The following ZNF341 variants were observed in gnomAD, a reference collection of about 807,000 sequenced individuals.
The protein encoded by ZNF341 is zinc finger protein 341.
ZNF341 carries 52 observed loss-of-function variants against 87.7 expected under a neutral mutation model. That is an observed-to-expected ratio of 0.59 (90% confidence interval 0.47 to 0.75). The LOEUF (loss-of-function observed/expected upper bound fraction) is 0.75, where lower values mean the gene tolerates loss of function less well. ZNF341 is among the 30% of genes least tolerant of loss of function. The pLI, the probability that ZNF341 is intolerant of heterozygous loss-of-function variation, is 0.00. For missense variants in ZNF341, 977 were observed against 1,145.9 expected (o/e 0.85, Z 2.13); for synonymous variants, 459 against 472.7 (o/e 0.97, Z 0.38).
At chr20:33,744,592 GTT>G (rs11468192) in intron 2 of ZNF341, among the ~76,000 whole-genome samples, 46,746 of 151,528 alleles carry the variant, frequency 0.31, 7,990 homozygotes, top group East Asian at 0.69. Context: ...AAACTGTGTG[GTT>G]TTTTTTCTTT....
chr20:33,763,712 C>T (rs745753834), intron 8 of ZNF341, among the ~76,000 whole-genome samples: 3 of 152,176 alleles, frequency 2.0e-5, no homozygotes, highest in Non-Finnish European at 4.4e-5. Context: ...GCTATTTGAC[C>T]TCCAAGGTTA....
At chr20:33,786,964 T>C (rs1403221224) in intron 12 of ZNF341, 3 of 134,224 alleles carry the variant, frequency 2.2e-5, no homozygotes, top group Non-Finnish European at 4.5e-5. Flanking sequence ...CAAGACTCTG[T>C]TTCAAAAAAA....
At chr20:33,769,409 A>G (rs1266675289) in intron 9 of ZNF341, among the ~76,000 whole-genome samples, 1 of 150,994 alleles carries the variant, frequency 6.6e-6, no homozygotes, top group Non-Finnish European at 1.5e-5. Context: ...TGGCGGGGGC[A>G]CAGCCCTCAG....
intron 4 of ZNF341, among the ~76,000 whole-genome samples, chr20:33,751,867 C>T (rs921774775): frequency 6.6e-6 from 1 of 152,146 alleles, no homozygotes; most frequent in African/African-American, 2.4e-5. Flanking sequence ...CTGCACCAAG[C>T]CCAAGGCCAG....
At chr20:33,748,228 C>T (rs1181567319) in intron 3 of ZNF341, among the ~76,000 whole-genome samples, 4 of 151,992 alleles carry the variant, frequency 2.6e-5, no homozygotes, top group Non-Finnish European at 4.4e-5. Flanking sequence ...CGCACTACCA[C>T]GCCTAGCTAC....
chr20:33,734,190 T>G (rs918049071), intron 1 of ZNF341, among the ~76,000 whole-genome samples: 5 of 152,212 alleles, frequency 3.3e-5, no homozygotes, highest in Non-Finnish European at 7.3e-5. Context: ...CAGCAGGAAC[T>G]GCATTTTCAA....
rs546185860 is a variant in ZNF341, at chr20:33,790,915, T to G, written c.2036-73T>G. On this transcript the variant is annotated intron_variant, in intron 14 of 14. Coordinates refer to ENST00000375200, the MANE Select transcript of ZNF341 (RefSeq NM_001282933.2). The stretch of plus-strand genomic sequence containing the variant: ...TGCTGGTGGGGAAAGAGCCTGGATT[T>G]TATTCCCAGCGCAGGGCACTGTTGC... The G allele has an allele frequency of 2.8e-5, 43 of 1,508,820 alleles. No individual in the cohort carries two copies. The South Asian group carries it at 5.1e-4, about 18-fold the overall frequency. 93.5% of individuals were successfully genotyped at this position (1,508,820 alleles called of 1,614,324 possible). A position where few individuals can be genotyped will look rare whatever the true frequency, so the allele number is the denominator to read the frequency against.
chr20:33,733,218 CT>C (rs1163203751), intron 1 of ZNF341, among the ~76,000 whole-genome samples: 3,472 of 130,730 alleles, frequency 0.027, 132 homozygotes, highest in African/African-American at 0.087. Flanking sequence ...GGCTAATTTC[CT>C]TTTTTTTTTT....
intron 3 of ZNF341, among the ~76,000 whole-genome samples, chr20:33,746,175 C>T (rs1466837695): frequency 1.9e-4 from 29 of 149,758 alleles, no homozygotes; most frequent in East Asian, 1.2e-3. Flanking sequence ...GTGATCTGCC[C>T]GCCTCGGCCT....
In ZNF341 at chr20:33,766,915, G is replaced by C. The variant is rs1328086584; in HGVS notation, c.1287G>C (p.Glu429Asp). Residue 429 changes from glutamate (E) to aspartate (D), a missense_variant, in exon 9 of 15, where the codon GAG becomes GAC. By Grantham distance (45) the Glu-to-Asp change is conservative. Transcript: ENST00000375200. ...CCTTGTCCACAGCTGGTGAGGAAGAGGGGGACAAGCCGGAGTCCAAGCAGG... is the reference window on the plus strand; with the variant it reads ...CCTTGTCCACAGCTGGTGAGGAAGACGGGGACAAGCCGGAGTCCAAGCAGG... Reference protein sequence around the residue: ...PQALSTAGEEEGDKPESKQVV... With the variant: ...PQALSTAGEEDGDKPESKQVV... 6.2e-7 allele frequency: 1 copy of C among 1,614,178 alleles called. No individual in the cohort carries two copies. Among genetic ancestry groups the C allele is most frequent in the Non-Finnish European group, 8.5e-7 (1 of 1,180,012 alleles).
intron 8 of ZNF341, 90 bp from the exon 9 acceptor site, chr20:33,766,761 G>A: frequency 1.4e-6 from 2 of 1,401,148 alleles, no homozygotes; most frequent in African/African-American, 1.4e-5. Flanking sequence ...CAGGTGCCGG[G>A]TGAACACAGA....
chr20:33,758,585 T>C, intron 6 of ZNF341, 131 bp from the exon 7 acceptor site: 1 of 660,426 alleles, frequency 1.5e-6, no homozygotes, highest in Non-Finnish European at 2.6e-6. Context: ...GTCTCCTCCC[T>C]GGCCTGTGTA....
At chr20:33,790,522 G>A (rs1428269109) in intron 14 of ZNF341, among the ~76,000 whole-genome samples, 3 of 152,138 alleles carry the variant, frequency 2.0e-5, no homozygotes, top group East Asian at 1.9e-4. Flanking sequence ...TGAGTCCTCT[G>A]GGGGGTAAAG....
intron 11 of ZNF341, 108 bp downstream of exon 11, chr20:33,781,495 G>T: frequency 1.0e-6 from 1 of 966,914 alleles, no homozygotes; most frequent in South Asian, 1.4e-5. Flanking sequence ...CATAGGACAC[G>T]CAGGCAGGGC....
At position 33,757,264 on chromosome 20, in the gene ZNF341, C is replaced by G; in HGVS notation, c.858C>G (p.Thr286=). 6.2e-7 allele frequency: 1 copy of G among 1,606,002 alleles called. No homozygotes were observed. Among genetic ancestry groups the G allele is most frequent in the Non-Finnish European group, 8.5e-7 (1 of 1,176,804 alleles). The stretch of plus-strand genomic sequence containing the variant: ...CCGCCGCCCCCATGACCAGCGCCAC[C>G]GGGGGCACGGTGGCCACCTTTGACT... The part of the protein sequence containing the change: ...PNPAAPMTSA[T]GGTVATFDSP... The change falls in exon 6 of 15, where the codon ACC becomes ACG. Residue 286 remains threonine (T), a synonymous_variant. Coordinates refer to ENST00000375200, the MANE Select transcript of ZNF341 (RefSeq NM_001282933.2).
At chr20:33,745,391 A>C (rs1375011425) in intron 3 of ZNF341, 92 bp downstream of exon 3, 4 of 1,263,518 alleles carry the variant, frequency 3.2e-6, no homozygotes, top group Non-Finnish European at 4.4e-6. Context: ...GCAATGGATA[A>C]GACAGACCAA....
intron 8 of ZNF341, among the ~76,000 whole-genome samples, chr20:33,764,154 A>G (rs1243478119): frequency 6.7e-6 from 1 of 149,916 alleles, no homozygotes. Flanking sequence ...CCTCCCGAGT[A>G]GCTGGGACTA....
In ZNF341 at chr20:33,792,104, T is replaced by A. The variant is rs369614009; in HGVS notation, c.*587T>A. 1 of 152,878 alleles carries A rather than the reference T, an allele frequency of 6.5e-6. No individual in the cohort carries two copies. The highest frequency in any genetic ancestry group is 1.5e-5 in the Non-Finnish European group (1 of 68,580). 9.5% of individuals were successfully genotyped at this position (152,878 alleles called of 1,614,324 possible). On this transcript the variant is annotated 3_prime_UTR_variant, in exon 15 of 15. Coordinates refer to ENST00000375200, the MANE Select transcript of ZNF341 (RefSeq NM_001282933.2). ...CACTTGCTGTGTGACCTTGGGCAAG[T>A]CACTTCACTTCTCTGAGCCCCGTGT...
chr20:33,771,886 G>T (rs1007537753), intron 10 of ZNF341, among the ~76,000 whole-genome samples: 1 of 150,944 alleles, frequency 6.6e-6, no homozygotes, highest in Non-Finnish European at 1.5e-5. Context: ...GTGTTGGCAC[G>T]CACCCGTAGT....
Sources: allele counts gnomAD v4.1 joint callset (sites outside exome capture counted in the v4.1 genomes callset), GRCh38; gene constraint gnomAD v4.1.1; transcripts MANE v1.5; gene names NCBI Gene and HGNC (gene_info 2026-07-23, HGNC 2026-07-21).